Variants in IL17D observed in about 807,000 individuals in gnomAD.
IL17D encodes the protein interleukin 17D, also known as interleukin-17D.
Under a neutral mutation model 5.7 loss-of-function variants are expected in IL17D, and 10 were observed. That is an observed-to-expected ratio of 1.75 (90% CI 1.08 to 2.97). The LOEUF (loss-of-function observed/expected upper bound fraction) is 2.97, where lower values mean the gene tolerates loss of function less well. Ranked by LOEUF, IL17D falls within the 30% of genes most tolerant of loss-of-function variation. The probability of loss-of-function intolerance (pLI) is 0.00; values close to 1 mark genes in which losing one functional copy is unlikely to be tolerated. For synonymous variants in IL17D, 172 were observed against 141.7 expected (o/e 1.21, Z -1.52); for missense variants, 354 against 292.7 (o/e 1.21, Z -1.53).
rs969159758 is a variant in IL17D at position 20,704,013 on chromosome 13, C to T, written c.12C>T (p.Ala4=). The change falls in exon 1 of 2, where the codon GCC becomes GCT. Residue 4 remains alanine (A), a synonymous_variant. Transcript: ENST00000682841. ...TCCCTCAGGTCTGGATGCTGGTAGC[C>T]GGCTTCCTGCTGGCGCTGCCGCCGA... MLV[A]GFLLALPPSW... is the part of the protein sequence containing the mutation. 1.8e-5 allele frequency: 18 copies of T among 1,024,068 alleles called. No homozygotes were observed. In the African/African-American group the frequency reaches 3.1e-4, roughly 18 times the overall value. 63.4% of individuals were successfully genotyped at this position (1,024,068 alleles called of 1,614,324 possible). A position where few individuals can be genotyped will look rare whatever the true frequency, so the allele number is the denominator to read the frequency against.
intron 1 of IL17D, among the ~76,000 whole-genome samples, chr13:20,720,873 A>AT (rs1566522176): frequency 5.5e-5 from 2 of 36,140 alleles, no homozygotes; most frequent in African/African-American, 2.4e-4. Context: ...CCTCCCTCCC[A>AT]ACCCCCCCCC....
chr13:20,710,628 T>TAAAAAAA (rs11445353), intron 1 of IL17D, among the ~76,000 whole-genome samples: 1 of 55,266 alleles, frequency 1.8e-5, no homozygotes, highest in Non-Finnish European at 3.0e-5. Context: ...AAACTCTGTC[T>TAAAAAAA]AAAAAAAAAA....
Position 20,719,938 on chromosome 13 carries a change from C to G in IL17D, c.291-1698C>G, listed in dbSNP as rs947275766. On this transcript the variant is annotated intron_variant, in intron 1 of 1. Transcript: ENST00000682841. ...CAGGACACCCCCGGCTTGTGTTCCT[C>G]TACTCAAGGCGCTCGTGTAGGTTCC... Among the ~76,000 whole-genome samples, 19 of 152,246 alleles carry G rather than the reference C, an allele frequency of 1.2e-4. 2 individuals carry two copies. The highest frequency in any genetic ancestry group is 1.5e-5 in the Non-Finnish European group (1 of 68,046).
At chr13:20,706,386 G>A (rs61955708) in intron 1 of IL17D, among the ~76,000 whole-genome samples, 2,084 of 152,336 alleles carry the variant, frequency 0.014, 27 homozygotes, top group Non-Finnish European at 0.018. Flanking sequence ...AACTTCTCTG[G>A]ACAGAAGCTG....
chr13:20,717,389 T>C (rs1170916543), intron 1 of IL17D: 1 of 152,254 alleles, frequency 6.6e-6, no homozygotes, highest in Admixed American at 6.5e-5. Flanking sequence ...AAGGCTCCCG[T>C]TGCAGTTTCT....
In IL17D at chr13:20,704,281, T is replaced by C. The variant is rs1209464900; in HGVS notation, c.280T>C (p.Trp94Arg). ...CACCAACCTGCGCAGCGTGTCGCCC[T>C]GGGCCTACAGGTGAGCCGCGGGCGC... Reference protein sequence around the residue: ...PPTNLRSVSPWAYRISYDPAR... With the variant: ...PPTNLRSVSPRAYRISYDPAR... Residue 94 changes from tryptophan (W) to arginine (R), a missense_variant, in exon 1 of 2, where the codon TGG becomes CGG. Transcript: ENST00000682841. 23 of 1,086,672 alleles carry C rather than the reference T, an allele frequency of 2.1e-5. No homozygotes were observed. Among genetic ancestry groups the C allele is most frequent in the Non-Finnish European group, 2.4e-5 (22 of 901,004 alleles). The allele number at this position is 1,086,672 out of a possible 1,614,324, so 67.3% of individuals were successfully genotyped here.
At chr13:20,715,225 C>T (rs2058669756) in intron 1 of IL17D, among the ~76,000 whole-genome samples, 1 of 151,820 alleles carries the variant, frequency 6.6e-6, no homozygotes, top group Non-Finnish European at 1.5e-5. Flanking sequence ...AGACCAGCCC[C>T]CCGCTCCACT....
rs2058681952 is a variant in IL17D at position 20,716,838 on chromosome 13, A to G, written c.291-4798A>G. Among the ~76,000 whole-genome samples, 1 of 152,182 alleles carries G rather than the reference A, an allele frequency of 6.6e-6. No individual in the cohort carries two copies. Among genetic ancestry groups the G allele is most frequent in the African/African-American group, 2.4e-5 (1 of 41,444 alleles). ...TTCAACTGCTGTGAGATAAACAGTC[A>G]TCCTGAGCCCCTGCTGCTCTGAAAT... On this transcript the variant is annotated intron_variant, in intron 1 of 1. Transcript: ENST00000682841. This position sits in a 1 kb window ranked among gnomAD's most constrained non-coding sequence, Gnocchi z 4.2.
chr13:20,714,364 G>A (rs542058949), intron 1 of IL17D, among the ~76,000 whole-genome samples: 3 of 152,276 alleles, frequency 2.0e-5, no homozygotes, highest in South Asian at 4.1e-4. Context: ...GCCACAAACC[G>A]CACACCGCAT....
At chr13:20,718,551 A>G (rs1437221044) in intron 1 of IL17D, among the ~76,000 whole-genome samples, 2 of 89,790 alleles carry the variant, frequency 2.2e-5, no homozygotes, top group Non-Finnish European at 4.3e-5. Flanking sequence ...CCATGCTCAC[A>G]CACCCACACA....
At chr13:20,703,558 C>A, upstream of IL17D, 2 of 404,564 alleles carry the variant, frequency 4.9e-6, no homozygotes, top group Non-Finnish European at 6.7e-6. Flanking sequence ...GTCTGCGAGG[C>A]GGCGGGTCCG....
At chr13:20,705,522 C>T (rs1298947645) in intron 1 of IL17D, among the ~76,000 whole-genome samples, 1 of 152,030 alleles carries the variant, frequency 6.6e-6, no homozygotes, top group African/African-American at 2.4e-5. Context: ...TAGCGAGATC[C>T]CATTTCTGCA....
chr13:20,721,900 CA>C lies in IL17D; in HGVS notation c.558del (p.Lys186AsnfsTer82). 6.2e-7 allele frequency: 1 copy of C among 1,607,836 alleles called. No homozygotes were observed. Reference sequence around the variant, plus strand: ...CAGACAGCATCAACTCCAGCATCGACAAACAGGGCGCCAAGCTCCTGCTGGG... The same window carrying C: ...CAGACAGCATCAACTCCAGCATCGACAACAGGGCGCCAAGCTCCTGCTGGG... ...DADSINSSID[K>X]QGAKLLLGPN... On this transcript the variant is annotated frameshift_variant, in exon 2 of 2. Transcript: ENST00000682841. LOFTEE classifies it low-confidence loss of function (END_TRUNC).
Position 20,704,061 on chromosome 13 carries a change from G to T in IL17D, c.60G>T (p.Arg20Ser). The change falls in exon 1 of 2, where the codon AGG becomes AGT. Residue 20 changes from arginine to serine, a missense_variant. Physicochemically the swap from Arg to Ser is moderately radical, Grantham distance 110. Coordinates refer to ENST00000682841, the MANE Select transcript of IL17D (RefSeq NM_001385224.1). ...LPPSWAAGAP[R>S]AGRRPARPRG... Reference sequence around the variant, plus strand: ...CGAGCTGGGCCGCGGGCGCCCCGAGGGCGGGCAGGCGCCCCGCGCGGCCGC... The same window carrying T: ...CGAGCTGGGCCGCGGGCGCCCCGAGTGCGGGCAGGCGCCCCGCGCGGCCGC... The T allele has an allele frequency of 9.2e-7, 1 of 1,085,184 alleles. No individual in the cohort carries two copies. The highest frequency in any genetic ancestry group is 4.3e-5 in the South Asian group (1 of 23,348). The allele number at this position is 1,085,184 out of a possible 1,614,324, so 67.2% of individuals were successfully genotyped here.
chr13:20,719,924 C>T (rs984591407), intron 1 of IL17D, among the ~76,000 whole-genome samples: 1 of 152,222 alleles, frequency 6.6e-6, no homozygotes, highest in Non-Finnish European at 1.5e-5. Flanking sequence ...AGGACACCCC[C>T]GGCTTGTGTT....
chr13:20,721,256 G>T (rs978991118), intron 1 of IL17D, among the ~76,000 whole-genome samples: 1 of 152,072 alleles, frequency 6.6e-6, no homozygotes, highest in African/African-American at 2.4e-5. Flanking sequence ...CCAGGTGGAC[G>T]CTCCCCTCGG....
At chr13:20,721,473 C>A (rs117930156) in intron 1 of IL17D, among the ~76,000 whole-genome samples, 163 bp from the exon 2 acceptor site, 1,578 of 152,358 alleles carry the variant, frequency 0.01, 18 homozygotes, top group Non-Finnish European at 0.017. Context: ...TGTAAGGAAG[C>A]GCCGGGCAGA....
At position 20,722,214 on chromosome 13, in the gene IL17D, C is replaced by T; in HGVS notation, c.*260C>T. The T allele has an allele frequency of 2.1e-6, 1 of 474,450 alleles. No homozygotes were observed. Among genetic ancestry groups the T allele is most frequent in the Non-Finnish European group, 3.7e-6 (1 of 269,886 alleles). The allele number at this position is 474,450 out of a possible 1,614,324, so 29.4% of individuals were successfully genotyped here. The stretch of plus-strand genomic sequence containing the variant: ...CCGGCACGGGCATCCTGTGTGCGGC[C>T]CGCATGGAGGGTTTGGAAAAGTTCA... On this transcript the variant is annotated 3_prime_UTR_variant, in exon 2 of 2. Coordinates refer to ENST00000682841, the MANE Select transcript of IL17D (RefSeq NM_001385224.1).
At chr13:20,721,583 C>T in intron 1 of IL17D, 53 bp from the exon 2 acceptor site, 1 of 1,466,372 alleles carries the variant, frequency 6.8e-7, no homozygotes. Flanking sequence ...GATTTCAGCG[C>T]GCGGCGCGGG....
Sources: gnomAD v4.1 joint callset for allele counts (sites outside exome capture counted in the v4.1 genomes callset) on GRCh38, gnomAD v4.1.1 for gene constraint, Gnocchi (gnomAD v3.1) non-coding constraint, MANE v1.5 for transcripts, NCBI Gene and HGNC (gene_info 2026-07-23, HGNC 2026-07-21) for gene names.